NRXN1: variants seen among roughly 807,000 people sequenced by gnomAD.
NRXN1 encodes neurexin-1.
A neutral mutation model predicts 150.9 loss-of-function variants in NRXN1; 39 were observed. The ratio of observed to expected loss-of-function variants is 0.26; its 90% confidence interval spans 0.20 to 0.34. The LOEUF is 0.34. Among genes scored for constraint, NRXN1 ranks in the 10% least tolerant of loss-of-function variants. The pLI is 1.00. For synonymous variants in NRXN1, 924 were observed against 757.0 expected (o/e 1.22, Z -3.62); for missense variants, 1,815 against 1,949.9 (o/e 0.93, Z 1.30).
rs554753278 is a variant in NRXN1, at chr2:50,334,813, G to C, written c.3365-97843C>G. On this transcript the variant is annotated intron_variant, in intron 17 of 22. Coordinates refer to ENST00000401669, the MANE Select transcript of NRXN1 (RefSeq NM_001330078.2). The stretch of plus-strand genomic sequence containing the variant: ...TGTGGTTTCATAGATTAAACTTATT[G>C]CTGGCACTTACATACCACTAAAAGT... 2.9e-4 allele frequency among the ~76,000 whole-genome samples: 44 copies of C among 152,304 alleles called. No individual in the cohort carries two copies. The South Asian group carries it at 8.7e-3, about 30-fold the overall frequency.
At chr2:50,326,298 TAA>T (rs1460081354) in intron 17 of NRXN1, among the ~76,000 whole-genome samples, 1 of 152,214 alleles carries the variant, frequency 6.6e-6, no homozygotes, top group Non-Finnish European at 1.5e-5. Context: ...ACAATTACCT[TAA>T]GTGATAAATT....
chr2:50,364,200 T>A (rs2079426954), intron 17 of NRXN1, among the ~76,000 whole-genome samples: 1 of 152,178 alleles, frequency 6.6e-6, no homozygotes, highest in African/African-American at 2.4e-5. Flanking sequence ...GTAACAAACC[T>A]GCATGTTCTG....
At chr2:50,612,363 C>A (rs897821369) in intron 8 of NRXN1, among the ~76,000 whole-genome samples, 9 of 152,084 alleles carry the variant, frequency 5.9e-5, no homozygotes, top group African/African-American at 2.2e-4. Flanking sequence ...TACCAGAAAT[C>A]CACCAAAAAC....
At chr2:50,419,248 T>A (rs2083782809) in intron 17 of NRXN1, among the ~76,000 whole-genome samples, 2 of 152,052 alleles carry the variant, frequency 1.3e-5, no homozygotes, top group Non-Finnish European at 2.9e-5. Flanking sequence ...ATTAAGGCAA[T>A]CGTATCTTTC....
At chr2:50,212,466 GT>G (rs113283870) in intron 18 of NRXN1, among the ~76,000 whole-genome samples, 23 of 148,156 alleles carry the variant, frequency 1.6e-4, no homozygotes, top group East Asian at 5.9e-4. Context: ...TTTGAGTCTG[GT>G]TTTTTTTTTC....
chr2:50,454,346 T>C (rs1040112706), intron 17 of NRXN1, among the ~76,000 whole-genome samples: 1 of 151,698 alleles, frequency 6.6e-6, no homozygotes, highest in Non-Finnish European at 1.5e-5. Context: ...AATAAATAAA[T>C]AAAAATAATT....
intron 2 of NRXN1, chr2:50,963,913 G>GAATTT (rs1196694684): frequency 5.3e-6 from 2 of 374,956 alleles, no homozygotes; most frequent in Non-Finnish European, 1.1e-5. Context: ...AATGAATTAT[G>GAATTT]GTATCCTTGC....
chr2:50,170,489 G>A (rs2059962924), intron 18 of NRXN1, among the ~76,000 whole-genome samples: 1 of 151,960 alleles, frequency 6.6e-6, no homozygotes, highest in African/African-American at 2.4e-5. Context: ...TAGAGACAGG[G>A]TTTCACGATG....
chr2:50,508,251 G>A (rs545960594), intron 12 of NRXN1, among the ~76,000 whole-genome samples: 9 of 152,118 alleles, frequency 5.9e-5, no homozygotes, highest in African/African-American at 1.9e-4. Flanking sequence ...ATATCTGTTT[G>A]TATCTTTAGA....
intron 21 of NRXN1, among the ~76,000 whole-genome samples, chr2:50,019,968 AAAAAAGAG>A (rs1162034996): frequency 7.7e-6 from 1 of 129,516 alleles, no homozygotes; most frequent in Non-Finnish European, 1.7e-5. Flanking sequence ...AAAAAAAAAA[AAAAAAGAG>A]AGAGAGAGAG....
chr2:49,934,646 G>A lies in NRXN1; in HGVS notation c.4216+9058C>T, dbSNP rs376982559. The stretch of plus-strand genomic sequence containing the variant: ...TGTCAAGTCTAGCATTAGGAAATAC[G>A]AAAGACAAGGCATCCATCATGGTGG... On this transcript the variant is annotated intron_variant, in intron 22 of 22. Transcript: ENST00000401669. 1.4e-4 allele frequency among the ~76,000 whole-genome samples: 22 copies of A among 152,216 alleles called. 1 individual carries two copies. Among genetic ancestry groups the A allele is most frequent in the African/African-American group, 5.1e-4 (21 of 41,556 alleles).
intron 18 of NRXN1, among the ~76,000 whole-genome samples, chr2:50,205,621 G>A (rs1489259134): frequency 6.6e-6 from 1 of 151,986 alleles, no homozygotes; most frequent in Admixed American, 6.6e-5. Context: ...ACATCAAGCA[G>A]CTAAGCACTT....
At chr2:50,421,098 G>C (rs1487033970) in intron 17 of NRXN1, among the ~76,000 whole-genome samples, 1 of 151,216 alleles carries the variant, frequency 6.6e-6, no homozygotes, top group Non-Finnish European at 1.5e-5. Flanking sequence ...TTGCTAGGTG[G>C]GAGAGGAGAC....
intron 18 of NRXN1, among the ~76,000 whole-genome samples, chr2:50,173,641 A>G (rs532906850): frequency 2.2e-4 from 34 of 152,280 alleles, no homozygotes; most frequent in Middle Eastern, 3.4e-3. Flanking sequence ...TAACGAGCCC[A>G]TTTTTATGTT....
At chr2:50,924,964 T>C (rs1686640639) in intron 3 of NRXN1, among the ~76,000 whole-genome samples, 1 of 151,764 alleles carries the variant, frequency 6.6e-6, no homozygotes, top group Admixed American at 6.6e-5. Flanking sequence ...TATGGAAATG[T>C]ACATTTACAG....
chr2:50,156,539 T>C (rs1398940835), intron 18 of NRXN1, among the ~76,000 whole-genome samples: 2 of 151,956 alleles, frequency 1.3e-5, no homozygotes, highest in African/African-American at 4.8e-5. Context: ...GGACACATTT[T>C]ATAACTATAA....
chr2:49,953,590 T>C (rs1674367494), intron 21 of NRXN1, among the ~76,000 whole-genome samples: 1 of 152,122 alleles, frequency 6.6e-6, no homozygotes, highest in Non-Finnish European at 1.5e-5. Flanking sequence ...GTCTCACTTT[T>C]AGTTTTCATG....
chr2:50,451,060 G>A (rs1243929829), intron 17 of NRXN1, among the ~76,000 whole-genome samples: 1 of 152,072 alleles, frequency 6.6e-6, no homozygotes, highest in Non-Finnish European at 1.5e-5. Flanking sequence ...TCCGCCTCTC[G>A]GATTCAAGGG....
At chr2:50,471,068 C>T (rs538750610) in intron 16 of NRXN1, among the ~76,000 whole-genome samples, 2 of 151,766 alleles carry the variant, frequency 1.3e-5, no homozygotes, top group South Asian at 4.2e-4. Context: ...TTGTTATATG[C>T]TATTGGATAT....
Sources: gnomAD v4.1 joint callset for allele counts (sites outside exome capture counted in the v4.1 genomes callset) on GRCh38, gnomAD v4.1.1 for gene constraint, MANE v1.5 for transcripts, NCBI Gene and HGNC (gene_info 2026-07-23, HGNC 2026-07-21) for gene names.